Variants in FYB1 observed in about 807,000 individuals in gnomAD.
FYB1 encodes the protein FYN-binding protein 1.
FYB1 carries 41 observed loss-of-function variants against 94.1 expected under a neutral mutation model. The observed-to-expected ratio is 0.44, with a 90% CI of 0.34 to 0.57. The LOEUF (loss-of-function observed/expected upper bound fraction) is 0.57. Ranked by LOEUF, FYB1 falls within the 20% of genes least tolerant of loss-of-function variation. The pLI, the probability that FYB1 is intolerant of heterozygous loss-of-function variation, is 0.02. For synonymous variants in FYB1, 367 were observed against 353.2 expected, an observed-to-expected ratio of 1.04 and a Z score of -0.44; for missense variants, 1,050 against 976.8, an observed-to-expected ratio of 1.07 and a Z score of -1.00.
intron 9 of FYB1, among the ~76,000 whole-genome samples, chr5:39,132,552 T>C (rs1741294388): frequency 6.6e-6 from 1 of 152,200 alleles, no homozygotes; most frequent in Non-Finnish European, 1.5e-5. Flanking sequence ...TTTTTTGTTA[T>C]ATGTTTACTA....
intron 1 of FYB1, among the ~76,000 whole-genome samples, chr5:39,271,612 C>T (rs1454617528): frequency 6.6e-6 from 1 of 151,996 alleles, no homozygotes; most frequent in Non-Finnish European, 1.5e-5. Flanking sequence ...CATACAAAAT[C>T]CTTTTTCAAA....
At position 39,150,968 on chromosome 5, in the gene FYB1, T is replaced by C. The variant is rs536308485; in HGVS notation, c.1292+2480A>G. ...TTCCCATTTCACTCAAGATAAGCGCTGCAATCTCTATCATGGCTTACAAGG... is the reference window on the plus strand; with the variant it reads ...TTCCCATTTCACTCAAGATAAGCGCCGCAATCTCTATCATGGCTTACAAGG... On this transcript the variant is annotated intron_variant, in intron 3 of 18. Coordinates refer to ENST00000512982, the MANE Select transcript of FYB1 (RefSeq NM_001465.6). 2.0e-5 allele frequency among the ~76,000 whole-genome samples: 3 copies of C among 152,338 alleles called. No individual in the cohort carries two copies. In the East Asian group the frequency reaches 5.8e-4, roughly 29 times the overall value.
chr5:39,164,159 A>G (rs1396105979), intron 2 of FYB1, among the ~76,000 whole-genome samples: 2 of 142,534 alleles, frequency 1.4e-5, no homozygotes, highest in Non-Finnish European at 2.9e-5. Context: ...ATGTGCTCCA[A>G]ATTCAGCTGT....
chr5:39,156,070 C>T (rs4264965), intron 2 of FYB1, among the ~76,000 whole-genome samples: 32,323 of 151,984 alleles, frequency 0.21, 3,622 homozygotes, highest in African/African-American at 0.25. Flanking sequence ...GACTTATCCT[C>T]TCATGGAAAA....
intron 2 of FYB1, among the ~76,000 whole-genome samples, chr5:39,184,036 A>C (rs1177238107): frequency 6.6e-6 from 1 of 152,250 alleles, no homozygotes; most frequent in Non-Finnish European, 1.5e-5. Context: ...TATATGATCT[A>C]CTGGCAAACC....
intron 1 of FYB1, among the ~76,000 whole-genome samples, chr5:39,257,043 C>G (rs1157695875): frequency 6.6e-6 from 1 of 152,172 alleles, no homozygotes; most frequent in African/African-American, 2.4e-5. Context: ...ATCTAAATAT[C>G]TGTTATAGAT....
At chr5:39,172,159 A>C (rs1397807644) in intron 2 of FYB1, among the ~76,000 whole-genome samples, 1 of 152,138 alleles carries the variant, frequency 6.6e-6, no homozygotes, top group Non-Finnish European at 1.5e-5. Context: ...TAAAAAAATA[A>C]TTTTGGCCGG....
At position 39,126,098 on chromosome 5, in the gene FYB1, A is replaced by C. The variant is rs368018464; in HGVS notation, c.1945T>G (p.Ser649Ala). The C allele has an allele frequency of 1.2e-6, 2 of 1,613,406 alleles. No individual in the cohort carries two copies. Among genetic ancestry groups the C allele is most frequent in the Non-Finnish European group, 1.7e-6 (2 of 1,179,666 alleles). ...TTTAACATCTTCAAAATCCCCCAGGACCACGTATTACTCTTCTCTTGAACC... is the reference window on the plus strand; with the variant it reads ...TTTAACATCTTCAAAATCCCCCAGGCCCACGTATTACTCTTCTCTTGAACC... ...LQVQEKSNTW[S>A]WGILKMLKGK... is the part of the protein sequence containing the mutation. Residue 649 changes from serine (S) to alanine (A), a missense_variant, in exon 12 of 19, where the codon TCC (serine) becomes GCC (alanine). Physicochemically the swap from Ser to Ala is moderately conservative, Grantham distance 99. Coordinates refer to ENST00000512982, the MANE Select transcript of FYB1 (RefSeq NM_001465.6).
Position 39,135,162 on chromosome 5 carries a change from G to A in FYB1, c.1516-148C>T, listed in dbSNP as rs146139373. ...GTTTAACCAGAAATTGAGGGTGAAT[G>A]TTTTTCTTATAGGAGGGGTTAGGGA... is the stretch of plus-strand genomic sequence containing the variant. On this transcript the variant is annotated intron_variant, in intron 7 of 18. Transcript: ENST00000512982. The A allele has an allele frequency of 6.5e-4, 581 of 891,488 alleles. 5 individuals are homozygous for A. In the African/African-American group the frequency reaches 7.5e-3, roughly 12 times the overall value. The allele number at this position is 891,488 out of a possible 1,614,324, so 55.2% of individuals were successfully genotyped here. A position where few individuals can be genotyped will look rare whatever the true frequency, so the allele number is the denominator to read the frequency against.
intron 1 of FYB1, 61 bp downstream of exon 1, chr5:39,219,382 T>C (rs550933149): frequency 2.1e-6 from 2 of 968,196 alleles, no homozygotes; most frequent in African/African-American, 3.5e-5. Flanking sequence ...AGTGGTGCTT[T>C]TTTCCTGCTA....
chr5:39,113,195 C>T (rs959189878), intron 16 of FYB1, among the ~76,000 whole-genome samples: 5 of 151,670 alleles, frequency 3.3e-5, no homozygotes, highest in South Asian at 2.1e-4. Flanking sequence ...ATATTTTTTG[C>T]GGTAGGAAAA....
chr5:39,202,122 T>G lies in FYB1; in HGVS notation c.839A>C (p.Glu280Ala). The stretch of plus-strand genomic sequence containing the variant: ...TATCTTCCTATCTTCCTTTTTTTCT[T>G]CACCATTTTTGGAGAGACCTGGGCC... ...RGGPGLSKNG[E>A]EKKEDRKIDA... The change falls in exon 2 of 19, where the codon GAA becomes GCA. Residue 280 changes from glutamate to alanine, a missense_variant. Coordinates refer to ENST00000512982, the MANE Select transcript of FYB1 (RefSeq NM_001465.6). 6.2e-7 allele frequency: 1 copy of G among 1,614,016 alleles called. No individual in the cohort carries two copies.
chr5:39,161,847 AT>A (rs1192892796), intron 2 of FYB1, among the ~76,000 whole-genome samples: 1 of 152,200 alleles, frequency 6.6e-6, no homozygotes, highest in African/African-American at 2.4e-5. Context: ...GTCACTCCCC[AT>A]CCCTATCCCC....
rs374081742 is a variant in FYB1 at position 39,110,394 on chromosome 5, G to A, written c.2402-5C>T. On this transcript the variant is annotated splice_polypyrimidine_tract_variant and splice_region_variant and intron_variant, in intron 16 of 18. Coordinates refer to ENST00000512982, the MANE Select transcript of FYB1 (RefSeq NM_001465.6). ...AACTCCGAAGGACATAACCATCTACGAAGGAAAAAGGAAATAAATTGTATC... is the reference window on the plus strand; with the variant it reads ...AACTCCGAAGGACATAACCATCTACAAAGGAAAAAGGAAATAAATTGTATC... 131 of 1,583,708 alleles carry A rather than the reference G, an allele frequency of 8.3e-5. No homozygotes were observed. The South Asian group carries it at 1.3e-3, about 15-fold the overall frequency.
At chr5:39,196,314 T>A (rs1747835275) in intron 2 of FYB1, among the ~76,000 whole-genome samples, 1 of 151,350 alleles carries the variant, frequency 6.6e-6, no homozygotes, top group African/African-American at 2.4e-5. Flanking sequence ...GTTCAAATGA[T>A]TCTCCTGCCC....
chr5:39,119,166 A>G (rs966393401), intron 15 of FYB1, 130 bp from the exon 16 acceptor site: 2 of 490,568 alleles, frequency 4.1e-6, no homozygotes, highest in Admixed American at 7.9e-5. Flanking sequence ...ATAATGTAGG[A>G]ATATTAAAGA....
intron 1 of FYB1, among the ~76,000 whole-genome samples, chr5:39,244,989 C>T (rs190307904): frequency 6.5e-4 from 98 of 151,860 alleles, no homozygotes; most frequent in African/African-American, 2.3e-3. Context: ...TGGTGATATC[C>T]CCTTTATCAT....
At chr5:39,269,917 C>G (rs1752602109) in intron 1 of FYB1, 1 of 151,520 alleles carries the variant, frequency 6.6e-6, no homozygotes, top group Non-Finnish European at 1.5e-5. Flanking sequence ...TTTTTTTTTC[C>G]CAAAGAAATA....
At chr5:39,176,199 G>T (rs1005735067) in intron 2 of FYB1, among the ~76,000 whole-genome samples, 6 of 138,152 alleles carry the variant, frequency 4.3e-5, no homozygotes, top group Admixed American at 3.9e-4. Context: ...CGCCCAGACT[G>T]GAGTGCAATG....
Sources: gnomAD v4.1 joint callset for allele counts (sites outside exome capture counted in the v4.1 genomes callset) on GRCh38, gnomAD v4.1.1 for gene constraint, MANE v1.5 for transcripts, NCBI Gene and HGNC (gene_info 2026-07-23, HGNC 2026-07-21) for gene names.